Variants in DPP6 observed in about 807,000 individuals in gnomAD.
DPP6 encodes A-type potassium channel modulatory protein DPP6.
DPP6 carries 69 observed loss-of-function variants against 122.6 expected under a neutral mutation model. The observed-to-expected ratio is 0.56, with a 90% confidence interval of 0.46 to 0.69. The LOEUF is 0.69. Ranked by LOEUF, DPP6 falls within the 30% of genes least tolerant of loss-of-function variation. The probability of loss-of-function intolerance (pLI) is 0.00; values close to 1 mark genes in which losing one functional copy is unlikely to be tolerated. For synonymous variants in DPP6, 418 were observed against 433.1 expected (o/e 0.97, Z 0.43); for missense variants, 928 against 1,116.9 (o/e 0.83, Z 2.41).
chr7:154,764,505 G>A (rs983329703), intron 8 of DPP6, among the ~76,000 whole-genome samples: 1 of 152,146 alleles, frequency 6.6e-6, no homozygotes, highest in African/African-American at 2.4e-5. Flanking sequence ...GGGAGTCTGG[G>A]AAAGGTCTTT....
chr7:153,840,294 G>C, the DPP6 span, among the ~76,000 whole-genome samples: 1 of 152,088 alleles, frequency 6.6e-6, no homozygotes, highest in African/African-American at 2.4e-5. Flanking sequence ...GGAAAGAATG[G>C]ATATGTAGAA....
chr7:154,746,456 AC>A (rs2131433896), intron 8 of DPP6, among the ~76,000 whole-genome samples: 1 of 152,060 alleles, frequency 6.6e-6, no homozygotes, highest in East Asian at 1.9e-4. Context: ...TGAGGTCTGC[AC>A]CCCTCACCCC....
chr7:154,369,252 G>A lies in DPP6; in HGVS notation c.244-76962G>A, dbSNP rs113767192. Reference sequence around the variant, plus strand: ...TGGGATTAAAGACACGCACCACCACGCCCAGCTAGTTTTTGTATTTTTAGT... The same window carrying A: ...TGGGATTAAAGACACGCACCACCACACCCAGCTAGTTTTTGTATTTTTAGT... On this transcript the variant is annotated intron_variant, in intron 1 of 25. Transcript: ENST00000377770. Among the ~76,000 whole-genome samples the A allele has an allele frequency of 4.3e-3, 659 of 152,034 alleles. 3 individuals carry two copies. Among genetic ancestry groups the A allele is most frequent in the African/African-American group, 0.014 (563 of 41,480 alleles).
intron 1 of DPP6, among the ~76,000 whole-genome samples, chr7:154,186,283 G>A (rs1312613602): frequency 1.3e-5 from 2 of 152,164 alleles, no homozygotes; most frequent in Admixed American, 1.3e-4. Context: ...CTTGGGTCTG[G>A]CTCTGGACTC....
chr7:154,262,189 A>C (rs552511520), intron 1 of DPP6, among the ~76,000 whole-genome samples: 6 of 152,176 alleles, frequency 3.9e-5, no homozygotes, highest in Admixed American at 3.9e-4. Flanking sequence ...ATGGAGATCT[A>C]ATTTACTGCG....
At position 153,887,748 on chromosome 7, in the gene DPP6, A is replaced by G. The variant is rs368684179; in HGVS notation, c.51+14A>G. On this transcript the variant is annotated intron_variant, in intron 1 of 25. Coordinates refer to the DPP6 transcript ENST00000404039. ...GGGAACGTGATGGTGAGTGCCACGG[A>G]CAGGGCGCGCGCTGGGTCGGGGGGA... 263 of 1,612,782 alleles carry G rather than the reference A, an allele frequency of 1.6e-4. 3 individuals are homozygous for G. The African/African-American group carries it at 2.8e-3, about 17-fold the overall frequency.
intron 1 of DPP6, among the ~76,000 whole-genome samples, chr7:154,232,095 A>C (rs189089233): frequency 1.1e-3 from 169 of 152,264 alleles, no homozygotes; most frequent in African/African-American, 4.0e-3. Context: ...AGCAATCAGG[A>C]CTTGGGAGGG....
intron 1 of DPP6, among the ~76,000 whole-genome samples, chr7:154,023,728 C>T (rs141933045): frequency 3.3e-5 from 5 of 152,100 alleles, no homozygotes; most frequent in African/African-American, 4.8e-5. Context: ...GTGATTCGCT[C>T]GCCTTGGCCT....
chr7:154,393,385 A>G (rs967644534), intron 1 of DPP6, among the ~76,000 whole-genome samples: 4 of 152,190 alleles, frequency 2.6e-5, no homozygotes, highest in Admixed American at 6.5e-5. Context: ...ATGTGGACCA[A>G]GTACTGTTTA....
chr7:154,114,068 A>G (rs956187994), intron 1 of DPP6, among the ~76,000 whole-genome samples: 2 of 151,760 alleles, frequency 1.3e-5, no homozygotes, highest in African/African-American at 4.8e-5. Context: ...TGTGTAGACA[A>G]CCCAAACTTT....
intron 1 of DPP6, among the ~76,000 whole-genome samples, chr7:154,187,708 T>C (rs1798417351): frequency 6.6e-6 from 1 of 152,148 alleles, no homozygotes; most frequent in African/African-American, 2.4e-5. Flanking sequence ...TTCCTATGGT[T>C]TTGCCCAAAG....
chr7:154,757,937 C>T (rs1415049853), intron 8 of DPP6, among the ~76,000 whole-genome samples: 1 of 152,168 alleles, frequency 6.6e-6, no homozygotes, highest in Non-Finnish European at 1.5e-5. Context: ...GGAGGGGGTG[C>T]CTGAGTGGCC....
At chr7:154,442,704 G>A (rs949699020) in intron 1 of DPP6, among the ~76,000 whole-genome samples, 26 of 152,066 alleles carry the variant, frequency 1.7e-4, no homozygotes, top group African/African-American at 6.3e-4. Context: ...CCCCAGAGAG[G>A]GCTTTACATG....
intron 8 of DPP6, among the ~76,000 whole-genome samples, chr7:154,759,804 G>A (rs1795413370): frequency 6.6e-6 from 1 of 152,170 alleles, no homozygotes; most frequent in African/African-American, 2.4e-5. Flanking sequence ...TGCCAATACG[G>A]TGACACCAGG....
chr7:154,276,335 A>T (rs1804126764), intron 1 of DPP6, among the ~76,000 whole-genome samples: 1 of 152,208 alleles, frequency 6.6e-6, no homozygotes, highest in Admixed American at 6.5e-5. Flanking sequence ...AATGCCCCGT[A>T]GGCCTCTCAA....
At chr7:154,172,106 C>T (rs1434075014) in intron 1 of DPP6, among the ~76,000 whole-genome samples, 2 of 150,974 alleles carry the variant, frequency 1.3e-5, no homozygotes, top group African/African-American at 4.9e-5. Flanking sequence ...CATTGCAATA[C>T]TTGTATAGAT....
rs980039005 is a variant in DPP6, at chr7:154,826,355, A to C, written c.1666+19243A>C. Among the ~76,000 whole-genome samples, 4 of 152,124 alleles carry C rather than the reference A, an allele frequency of 2.6e-5. No individual in the cohort carries two copies. In the East Asian group the frequency reaches 5.8e-4, roughly 22 times the overall value. On this transcript the variant is annotated intron_variant, in intron 16 of 25. Transcript: ENST00000377770. Reference sequence around the variant, plus strand: ...GGTCAATATCCCATATTAAAAATGTACTCCCTGAAAATATTAGCATGGGTG... The same window carrying C: ...GGTCAATATCCCATATTAAAAATGTCCTCCCTGAAAATATTAGCATGGGTG...
intron 1 of DPP6, among the ~76,000 whole-genome samples, chr7:154,023,334 A>G (rs906510579): frequency 7.9e-5 from 12 of 151,472 alleles, no homozygotes; most frequent in Non-Finnish European, 1.2e-4. Context: ...ACACACACAC[A>G]CACACACACA....
At chr7:154,476,563 CAGAG>C (rs1409460184) in intron 3 of DPP6, among the ~76,000 whole-genome samples, 1 of 152,196 alleles carries the variant, frequency 6.6e-6, no homozygotes, top group African/African-American at 2.4e-5. Flanking sequence ...ACACAAGACT[CAGAG>C]AGGAGGATCG....
Sources: gnomAD v4.1 joint callset for allele counts (sites outside exome capture counted in the v4.1 genomes callset) on GRCh38, gnomAD v4.1.1 for gene constraint, MANE v1.5 for transcripts, NCBI Gene and HGNC (gene_info 2026-07-23, HGNC 2026-07-21) for gene names.